The following RB1 variants were observed in gnomAD, a reference collection of about 807,000 sequenced individuals.
RB1 encodes retinoblastoma-associated protein.
RB1 carries 18 observed loss-of-function variants against 135.4 expected under a neutral mutation model. The ratio of observed to expected loss-of-function variants is 0.13; its 90% CI spans 0.09 to 0.20. The LOEUF (loss-of-function observed/expected upper bound fraction) is 0.20, where lower values mean the gene tolerates loss of function less well. RB1 is among the 10% of genes least tolerant of loss of function. RB1 has a pLI of 1.00. For missense variants in RB1, 868 were observed against 1,110.0 expected, an observed-to-expected ratio of 0.78 and a Z score of 3.10; for synonymous variants, 365 against 373.2, an observed-to-expected ratio of 0.98 and a Z score of 0.25.
chr13:48,406,610 A>G (rs904044315), intron 17 of RB1: 1 of 152,202 alleles, frequency 6.6e-6, no homozygotes, highest in African/African-American at 2.4e-5. Flanking sequence ...TGGTCTTAAC[A>G]TGGCATATAA....
In RB1 at chr13:48,411,715, T is replaced by C; in HGVS notation, c.1695+30272T>C. On this transcript the variant is annotated intron_variant, in intron 17 of 26. Transcript: ENST00000267163. Reference sequence around the variant, plus strand: ...TAAGGAACAAAACAGAAACAGAATATGATCAAATGTACAAAAATCATTTTT... The same window carrying C: ...TAAGGAACAAAACAGAAACAGAATACGATCAAATGTACAAAAATCATTTTT... The C allele has an allele frequency of 6.2e-7, 1 of 1,605,072 alleles. No individual in the cohort carries two copies. The highest frequency in any genetic ancestry group is 8.5e-7 in the Non-Finnish European group (1 of 1,172,114).
intron 14 of RB1, 22 bp from the exon 15 acceptor site, chr13:48,380,031 T>A: frequency 7.7e-7 from 1 of 1,305,152 alleles, no homozygotes; most frequent in Non-Finnish European, 1.0e-6. Context: ...TTCTTTTTTT[T>A]TTTTTAAATT....
chr13:48,320,782 G>C (rs1470441468), intron 2 of RB1, among the ~76,000 whole-genome samples: 1 of 151,516 alleles, frequency 6.6e-6, no homozygotes, highest in Admixed American at 6.6e-5. Flanking sequence ...AGTGAGCTGA[G>C]ATCGCCCCAC....
chr13:48,424,475 G>A (rs1304484413), intron 17 of RB1, among the ~76,000 whole-genome samples: 1 of 152,196 alleles, frequency 6.6e-6, no homozygotes, highest in African/African-American at 2.4e-5. Context: ...TGGGAATGAT[G>A]GTTGAAGCAG....
intron 17 of RB1, among the ~76,000 whole-genome samples, chr13:48,428,763 G>A (rs554160040): frequency 6.6e-6 from 1 of 152,262 alleles, no homozygotes; most frequent in South Asian, 2.1e-4. Context: ...ACATAGTAAT[G>A]TGCCAAGTTT....
At chr13:48,320,837 GAAA>G (rs531135502) in intron 2 of RB1, among the ~76,000 whole-genome samples, 5 of 108,896 alleles carry the variant, frequency 4.6e-5, no homozygotes, top group Non-Finnish European at 1.0e-4. Context: ...TCTCAAAAAA[GAAA>G]AAAAAAAAAA....
chr13:48,403,423 G>T (rs1178708346), intron 17 of RB1, among the ~76,000 whole-genome samples: 4 of 152,046 alleles, frequency 2.6e-5, no homozygotes, highest in African/African-American at 9.7e-5. Flanking sequence ...AAGTGGAGGA[G>T]TTGATTCATT....
rs181585776 is a variant in RB1, at chr13:48,308,355, A to T, written c.264+949A>T. Among the ~76,000 whole-genome samples, 906 of 151,834 alleles carry T rather than the reference A, an allele frequency of 6.0e-3. 28 individuals are homozygous for T. The highest frequency in any genetic ancestry group is 0.01 in the Middle Eastern group (3 of 292). ...ACACAGGAAGACCCTGTTGCAAAAA[A>T]AAATAAATAAAAATAAGGCTGGGCG... is the stretch of plus-strand genomic sequence containing the variant. On this transcript the variant is annotated intron_variant, in intron 2 of 26. Transcript: ENST00000267163.
chr13:48,439,801 G>C (rs377541609), intron 17 of RB1: 1 of 152,078 alleles, frequency 6.6e-6, no homozygotes, highest in Non-Finnish European at 1.5e-5. Flanking sequence ...TTGAAAGAAG[G>C]CCTTTTTGAA....
In RB1 at chr13:48,319,294, C is replaced by T. The variant is rs1181436149; in HGVS notation, c.264+11888C>T. On this transcript the variant is annotated intron_variant, in intron 2 of 26. Coordinates refer to ENST00000267163, the MANE Select transcript of RB1 (RefSeq NM_000321.3). The surrounding 1 kb of genome is among the most constrained non-coding windows in gnomAD (Gnocchi z 5.0). ...TGTGCTGTGTGCGGGGTCAGGCGTC[C>T]TCTCTCCTCCCGGCGCTGGGCCCTC... The T allele has an allele frequency of 1.0e-5, 7 of 694,384 alleles. No homozygotes were observed. Among genetic ancestry groups the T allele is most frequent in the Admixed American group, 2.6e-5 (1 of 38,858 alleles). The allele number at this position is 694,384 out of a possible 1,614,324, so 43.0% of individuals were successfully genotyped here.
At chr13:48,343,399 A>G (rs1403067310) in intron 3 of RB1, among the ~76,000 whole-genome samples, 2 of 152,200 alleles carry the variant, frequency 1.3e-5, no homozygotes, top group African/African-American at 4.8e-5. Context: ...CTAGAATTAA[A>G]CATAATTGAT....
intron 6 of RB1, among the ~76,000 whole-genome samples, chr13:48,357,396 T>A (rs1952602316): frequency 5.3e-5 from 8 of 152,226 alleles, no homozygotes; most frequent in African/African-American, 1.9e-4. Flanking sequence ...TCTTAGCTTG[T>A]CTAGTTCCTT....
intron 17 of RB1, among the ~76,000 whole-genome samples, chr13:48,425,585 G>C (rs573242330): frequency 6.6e-6 from 1 of 152,068 alleles, no homozygotes; most frequent in Non-Finnish European, 1.5e-5. Flanking sequence ...AAAAATTAAT[G>C]TGCGTCTCCT....
rs187472221 is a variant in RB1, at chr13:48,369,863, T to G, written c.1127+1259T>G. Among the ~76,000 whole-genome samples, 234 of 152,350 alleles carry G rather than the reference T, an allele frequency of 1.5e-3. 1 individual carries two copies. Among genetic ancestry groups the G allele is most frequent in the African/African-American group, 5.3e-3 (220 of 41,582 alleles). On this transcript the variant is annotated intron_variant, in intron 11 of 26. Transcript: ENST00000267163. Reference sequence around the variant, plus strand: ...TAGCATGTATCCCAATTTATATTGATAGATTCATTTGTGTTTGCTTGCTTT... The same window carrying G: ...TAGCATGTATCCCAATTTATATTGAGAGATTCATTTGTGTTTGCTTGCTTT...
chr13:48,342,848 T>G, intron 3 of RB1, 134 bp downstream of exon 3: 1 of 645,440 alleles, frequency 1.5e-6, no homozygotes, highest in Admixed American at 2.7e-5. Context: ...GACCAAATAG[T>G]GAACTGCCAT....
chr13:48,449,512 G>C (rs1374927295), intron 17 of RB1, among the ~76,000 whole-genome samples: 1 of 152,110 alleles, frequency 6.6e-6, no homozygotes, highest in African/African-American at 2.4e-5. Flanking sequence ...CTACTGAGTA[G>C]GTTACCATTT....
Position 48,303,956 on chromosome 13 carries a change from C to G in RB1, c.44C>G (p.Ala15Gly), listed in dbSNP as rs564137727. ...TPRKTAATAA[A>G]AAAEPPAPPP... ...CGAAAAACGGCCGCCACCGCCGCCGCTGCCGCCGCGGAACCCCCGGCACCG... is the reference window on the plus strand; with the variant it reads ...CGAAAAACGGCCGCCACCGCCGCCGGTGCCGCCGCGGAACCCCCGGCACCG... The change falls in exon 1 of 27, where the codon GCT (alanine) becomes GGT (glycine). Residue 15 changes from alanine (A) to glycine (G), a missense_variant. Ala to Gly is a moderately conservative substitution (Grantham distance 60, BLOSUM62 0). Around this residue, in one of 3 missense-constraint regions of RB1, gnomAD observed 641 missense variants for 791.3 expected, o/e 0.81. Transcript: ENST00000267163. The G allele has an allele frequency of 6.6e-7, 1 of 1,503,932 alleles. No homozygotes were observed. The highest frequency in any genetic ancestry group is 1.2e-5 in the South Asian group (1 of 81,482). The allele number at this position is 1,503,932 out of a possible 1,614,324, so 93.2% of individuals were successfully genotyped here.
Position 48,480,991 on chromosome 13 carries a change from T to C in RB1, c.*920T>C, listed in dbSNP as rs1949535239. ...GTTTCTGGGTCCTGAAGAATTAAGA[T>C]ACAAATTAATTTTACTCCATAAACA... On this transcript the variant is annotated 3_prime_UTR_variant, in exon 27 of 27. Transcript: ENST00000267163. The C allele has an allele frequency of 8.8e-6, 2 of 228,458 alleles. No individual in the cohort carries two copies. The highest frequency in any genetic ancestry group is 2.2e-5 in the African/African-American group (1 of 45,052). 14.2% of individuals were successfully genotyped at this position (228,458 alleles called of 1,614,324 possible). A position where few individuals can be genotyped will look rare whatever the true frequency, so the allele number is the denominator to read the frequency against.
At chr13:48,416,560 G>A (rs1317101749) in intron 17 of RB1, 1 of 152,588 alleles carries the variant, frequency 6.6e-6, no homozygotes, top group Non-Finnish European at 1.5e-5. Context: ...GTACTCCAGT[G>A]GCACCTGAAA....
Sources: allele counts gnomAD v4.1 joint callset (sites outside exome capture counted in the v4.1 genomes callset), GRCh38; gene constraint gnomAD v4.1.1; regional missense constraint gnomAD v4.1.1; non-coding constraint Gnocchi (gnomAD v3.1); transcripts MANE v1.5; gene names NCBI Gene and HGNC (gene_info 2026-07-23, HGNC 2026-07-21).